Variants in DIAPH3 observed in about 807,000 individuals in gnomAD.
The protein encoded by DIAPH3 is diaphanous related formin 3, also known as protein diaphanous homolog 3.
DIAPH3 carries 117 observed loss-of-function variants against 144.3 expected under a neutral mutation model. That is an observed-to-expected ratio of 0.81 (90% CI 0.70 to 0.95). DIAPH3 has a LOEUF of 0.95. DIAPH3 is among the 40% of genes least tolerant of loss of function. DIAPH3 has a pLI of 0.00. For synonymous variants in DIAPH3, 519 were observed against 488.9 expected (o/e 1.06, Z -0.81); for missense variants, 1,421 against 1,412.7 (o/e 1.01, Z -0.09).
intron 27 of DIAPH3, among the ~76,000 whole-genome samples, chr13:59,770,439 T>G (rs1335913545): frequency 6.6e-6 from 1 of 152,144 alleles, no homozygotes; most frequent in Non-Finnish European, 1.5e-5. Flanking sequence ...ATGAAACTCA[T>G]GAGTACTGTG....
chr13:59,836,905 A>AT (rs972454189), intron 23 of DIAPH3, among the ~76,000 whole-genome samples: 4 of 151,896 alleles, frequency 2.6e-5, no homozygotes, highest in African/African-American at 7.2e-5. Context: ...AAATTCTTCA[A>AT]TTTTTTAACA....
chr13:59,761,018 C>T (rs1008230614), intron 27 of DIAPH3, among the ~76,000 whole-genome samples: 5 of 152,128 alleles, frequency 3.3e-5, no homozygotes, highest in African/African-American at 4.8e-5. Flanking sequence ...TGTCACATCA[C>T]AATAAAGTAC....
intron 20 of DIAPH3, among the ~76,000 whole-genome samples, chr13:59,890,807 T>G (rs781268427): frequency 6.6e-6 from 1 of 152,004 alleles, no homozygotes; most frequent in Non-Finnish European, 1.5e-5. Flanking sequence ...GCTATGTAAA[T>G]AGTATGTATA....
chr13:59,940,489 A>G (rs1280989671), intron 17 of DIAPH3, among the ~76,000 whole-genome samples: 1 of 152,166 alleles, frequency 6.6e-6, no homozygotes, highest in African/African-American at 2.4e-5. Context: ...AACACCTATT[A>G]ATTGGGACTC....
intron 27 of DIAPH3, among the ~76,000 whole-genome samples, chr13:59,724,589 G>T (rs780571627): frequency 6.2e-4 from 94 of 152,218 alleles, no homozygotes; most frequent in Non-Finnish European, 1.2e-3. Context: ...CTGGCTGTTA[G>T]GAAGCTCAAA....
chr13:60,059,060 T>C (rs904365627), intron 4 of DIAPH3, among the ~76,000 whole-genome samples: 2 of 151,832 alleles, frequency 1.3e-5, no homozygotes, highest in Non-Finnish European at 2.9e-5. Flanking sequence ...TAAAAACTGT[T>C]AATATGTATA....
intron 22 of DIAPH3, among the ~76,000 whole-genome samples, chr13:59,843,445 A>G (rs1649171605): frequency 6.6e-6 from 1 of 152,166 alleles, no homozygotes; most frequent in Admixed American, 6.5e-5. Flanking sequence ...AAGGCCTGTG[A>G]CTTTTCCAAT....
At chr13:59,748,229 C>T (rs1247177344) in intron 27 of DIAPH3, among the ~76,000 whole-genome samples, 1 of 152,186 alleles carries the variant, frequency 6.6e-6, no homozygotes, top group Admixed American at 6.5e-5. Flanking sequence ...CAGTTTTAGG[C>T]CCTTCAGATC....
intron 23 of DIAPH3, among the ~76,000 whole-genome samples, chr13:59,836,894 C>T (rs79356006): frequency 0.11 from 16,660 of 151,662 alleles, 1,287 homozygotes; most frequent in Non-Finnish European, 0.16. Context: ...TTTTAGCTTC[C>T]AAATTCTTCA....
chr13:59,685,159 A>C (rs1462880520), intron 27 of DIAPH3, among the ~76,000 whole-genome samples: 2 of 151,968 alleles, frequency 1.3e-5, no homozygotes, highest in Non-Finnish European at 2.9e-5. Flanking sequence ...GGTGGGAAGG[A>C]GATTTTCTTA....
chr13:59,759,488 T>C (rs1413941501), intron 27 of DIAPH3, among the ~76,000 whole-genome samples: 1 of 152,234 alleles, frequency 6.6e-6, no homozygotes, highest in African/African-American at 2.4e-5. Flanking sequence ...TGACTTGTAT[T>C]ACTTCATCCC....
At chr13:59,861,605 T>A in intron 21 of DIAPH3, 69 bp from the exon 22 acceptor site, 1 of 1,481,706 alleles carries the variant, frequency 6.7e-7, no homozygotes, top group Non-Finnish European at 9.4e-7. Flanking sequence ...ACTTAAATAA[T>A]ATTAATACTG....
At chr13:59,762,101 C>A (rs2037630880) in intron 27 of DIAPH3, among the ~76,000 whole-genome samples, 2 of 128,320 alleles carry the variant, frequency 1.6e-5, no homozygotes, top group Non-Finnish European at 1.6e-5. Flanking sequence ...GCTCTGTTGC[C>A]AGGCTGAAGT....
intron 1 of DIAPH3, among the ~76,000 whole-genome samples, chr13:60,152,596 T>C (rs977122339): frequency 2.8e-5 from 4 of 145,436 alleles, no homozygotes; most frequent in African/African-American, 1.0e-4. Context: ...AAATGAAGAG[T>C]AAAGATTAGA....
intron 20 of DIAPH3, among the ~76,000 whole-genome samples, chr13:59,889,164 G>A (rs1157468692): frequency 6.6e-6 from 1 of 151,886 alleles, no homozygotes; most frequent in East Asian, 1.9e-4. Flanking sequence ...CACTGAATGA[G>A]ACTTTTTTGT....
At chr13:59,690,763 T>C (rs920691661) in intron 27 of DIAPH3, among the ~76,000 whole-genome samples, 2 of 152,178 alleles carry the variant, frequency 1.3e-5, no homozygotes, top group Non-Finnish European at 2.9e-5. Context: ...ATTCATGCAA[T>C]TGAAGCAAAC....
intron 17 of DIAPH3, among the ~76,000 whole-genome samples, chr13:59,967,224 G>C (rs1245045238): frequency 6.6e-6 from 1 of 151,660 alleles, no homozygotes; most frequent in Non-Finnish European, 1.5e-5. Flanking sequence ...GCACCACCAT[G>C]CCTGGCTATT....
chr13:59,831,596 G>T (rs1395433619), intron 24 of DIAPH3, among the ~76,000 whole-genome samples: 1 of 151,920 alleles, frequency 6.6e-6, no homozygotes. Context: ...CTCCAGCTCA[G>T]TAAGAGGTCA....
intron 27 of DIAPH3, among the ~76,000 whole-genome samples, chr13:59,673,663 T>C (rs923925892): frequency 1.3e-5 from 2 of 152,196 alleles, no homozygotes; most frequent in African/African-American, 4.8e-5. Flanking sequence ...GCCAAATGAT[T>C]ATCAGCCTGA....
Sources: gnomAD v4.1 joint callset for allele counts (sites outside exome capture counted in the v4.1 genomes callset) on GRCh38, gnomAD v4.1.1 for gene constraint, MANE v1.5 for transcripts, NCBI Gene and HGNC (gene_info 2026-07-23, HGNC 2026-07-21) for gene names.